CES5A: variants seen among roughly 807,000 people sequenced by gnomAD.
CES5A encodes carboxylesterase 5A.
Under a neutral mutation model 62.9 loss-of-function variants are expected in CES5A, and 67 were observed. That is an observed-to-expected ratio of 1.07 (90% CI 0.88 to 1.31). The LOEUF (loss-of-function observed/expected upper bound fraction) is 1.31, where lower values mean the gene tolerates loss of function less well. CES5A is among the 50% of genes most tolerant of loss of function. CES5A has a pLI of 0.00. For synonymous variants in CES5A, 296 were observed against 280.8 expected (o/e 1.05, Z -0.54); for missense variants, 748 against 708.5 (o/e 1.06, Z -0.63).
chr16:55,883,143 C>T (rs571708191), intron 1 of CES5A, among the ~76,000 whole-genome samples: 2 of 152,300 alleles, frequency 1.3e-5, no homozygotes, highest in South Asian at 4.1e-4. Flanking sequence ...AGAGTTACCG[C>T]TTGGTTGAGT....
chr16:55,856,895 T>A (rs1288548496), intron 8 of CES5A, among the ~76,000 whole-genome samples: 84 of 152,376 alleles, frequency 5.5e-4, no homozygotes, highest in African/African-American at 1.9e-3. Context: ...CACAAAGCGG[T>A]ATCAGCACCT....
chr16:55,855,556 A>C (rs1190747673), intron 9 of CES5A, among the ~76,000 whole-genome samples: 1 of 152,200 alleles, frequency 6.6e-6, no homozygotes, highest in African/African-American at 2.4e-5. Flanking sequence ...TTCAGACTGT[A>C]GGTAGATAAT....
At chr16:55,863,232 T>C (rs548890125) in intron 6 of CES5A, 116 bp downstream of exon 6, 11 of 702,648 alleles carry the variant, frequency 1.6e-5, no homozygotes, top group South Asian at 1.3e-4. Context: ...TGGGCCAGCA[T>C]GAGGTGCCTT....
At chr16:55,895,524 T>C (rs1327189719) in intron 1 of CES5A, among the ~76,000 whole-genome samples, 1 of 152,256 alleles carries the variant, frequency 6.6e-6, no homozygotes, top group Non-Finnish European at 1.5e-5. Context: ...GTTACTACTT[T>C]ATTTTCTCAG....
chr16:55,921,643 A>G (rs1266991846), intron 1 of CES5A, among the ~76,000 whole-genome samples: 1 of 150,986 alleles, frequency 6.6e-6, no homozygotes, highest in Non-Finnish European at 1.5e-5. Context: ...AAAGAAAAAA[A>G]AAAAAAAAAA....
intron 3 of CES5A, among the ~76,000 whole-genome samples, chr16:55,870,391 GAAGA>G (rs2033558734): frequency 2.0e-5 from 3 of 152,060 alleles, no homozygotes; most frequent in Admixed American, 2.0e-4. Flanking sequence ...GATGAAAAAT[GAAGA>G]AAGAAGGAAG....
rs554591051 is a variant in CES5A, at chr16:55,868,924, G to A, written c.551+687C>T. Among the ~76,000 whole-genome samples the A allele has an allele frequency of 1.5e-3, 225 of 152,354 alleles. 1 individual carries two copies. Among genetic ancestry groups the A allele is most frequent in the Middle Eastern group, 6.8e-3 (2 of 294 alleles). Reference sequence around the variant, plus strand: ...TTCCTTGAAGGATTATTTTGAGGGTGAGTTGAAATAATGCATGGCAAGTGC... The same window carrying A: ...TTCCTTGAAGGATTATTTTGAGGGTAAGTTGAAATAATGCATGGCAAGTGC... On this transcript the variant is annotated intron_variant, in intron 4 of 12. Transcript: ENST00000290567.
chr16:55,937,247 G>A (rs1367935315), intron 2 of CES5A, among the ~76,000 whole-genome samples: 1 of 152,142 alleles, frequency 6.6e-6, no homozygotes, highest in Non-Finnish European at 1.5e-5. Context: ...CTCCTGCTGA[G>A]ACATAGCATT....
chr16:55,919,334 G>A lies in CES5A; in HGVS notation c.-256+5989C>T, dbSNP rs12596847. 3.9e-3 allele frequency among the ~76,000 whole-genome samples: 599 copies of A among 152,354 alleles called. 24 individuals carry two copies. In the East Asian group the frequency reaches 0.081, roughly 21 times the overall value. On this transcript the variant is annotated intron_variant, in intron 1 of 12. Coordinates refer to the CES5A transcript ENST00000518005. ...ATAATTTGTCAGGTCAAAGGGCTAT[G>A]GAGAAGCTAGAGTCACTTGGGTGCC...
intron 6 of CES5A, 34 bp from the exon 7 acceptor site, chr16:55,861,550 A>G: frequency 4.8e-6 from 7 of 1,453,730 alleles, no homozygotes; most frequent in Non-Finnish European, 6.8e-6. Context: ...TTAGAGCATG[A>G]TATTGAAAGC....
intron 2 of CES5A, among the ~76,000 whole-genome samples, chr16:55,948,767 G>A (rs1457603765): frequency 6.6e-6 from 1 of 152,090 alleles, no homozygotes; most frequent in Non-Finnish European, 1.5e-5. Context: ...CATTCCAGGT[G>A]GTGAGAAAGG....
chr16:55,923,898 G>T (rs1283064281), intron 1 of CES5A, among the ~76,000 whole-genome samples: 2 of 151,820 alleles, frequency 1.3e-5, no homozygotes, highest in Non-Finnish European at 2.9e-5. Flanking sequence ...ATCAAACTGG[G>T]TATAGAAGGA....
chr16:55,861,295 C>A, intron 7 of CES5A, 117 bp downstream of exon 7: 2 of 649,840 alleles, frequency 3.1e-6, no homozygotes. Flanking sequence ...TTACCAAGTA[C>A]CTCAATCCTC....
rs755508617 is a variant in CES5A at position 55,883,745 on chromosome 16, C to T, written c.-255-9708G>A. Among the ~76,000 whole-genome samples, 14 of 152,188 alleles carry T rather than the reference C, an allele frequency of 9.2e-5. 1 individual carries two copies. Among genetic ancestry groups the T allele is most frequent in the Non-Finnish European group, 1.9e-4 (13 of 68,030 alleles). ...TTCCCCAATGTGATAGCTCTTACCT[C>T]ACAGACCATGGATTCCTTATTCATT... is the stretch of plus-strand genomic sequence containing the variant. On this transcript the variant is annotated intron_variant, in intron 1 of 12. Coordinates refer to the CES5A transcript ENST00000518005.
In CES5A at chr16:55,849,707, G is replaced by A. The variant is rs762821580; in HGVS notation, c.1340C>T (p.Pro447Leu). The A allele has an allele frequency of 9.3e-6, 15 of 1,613,854 alleles. No homozygotes were observed. The highest frequency in any genetic ancestry group is 2.2e-5 in the East Asian group (1 of 44,890). ...AGCGTGGTCGGCTTTGACAAAAGCT[G>A]GCTTCGTGTCTTCAAAGCACTGAGG... The part of the protein sequence containing the change: ...HRPQCFEDTK[P>L]AFVKADHADE... Residue 447 changes from proline to leucine, a missense_variant, in exon 11 of 13, where the codon CCA (proline) becomes CTA (leucine). Coordinates refer to ENST00000290567, the MANE Select transcript of CES5A (RefSeq NM_001143685.2).
intron 9 of CES5A, among the ~76,000 whole-genome samples, chr16:55,855,422 A>G (rs2033220116): frequency 6.6e-6 from 1 of 152,268 alleles, no homozygotes; most frequent in African/African-American, 2.4e-5. Flanking sequence ...TGAATTAGTG[A>G]TGGAACAATA....
upstream of CES5A, among the ~76,000 whole-genome samples, chr16:55,925,946 G>A (rs1338067638): frequency 1.3e-5 from 2 of 151,974 alleles, no homozygotes; most frequent in Non-Finnish European, 2.9e-5. Flanking sequence ...CTCTTCTGTG[G>A]GAGATAAAAA....
chr16:55,889,852 A>G (rs2033857405), intron 1 of CES5A, among the ~76,000 whole-genome samples: 1 of 152,092 alleles, frequency 6.6e-6, no homozygotes, highest in Non-Finnish European at 1.5e-5. Context: ...TACAAAAGAC[A>G]CTCTTATTGC....
chr16:55,947,447 A>G (rs1181684359), intron 2 of CES5A, among the ~76,000 whole-genome samples: 1 of 152,086 alleles, frequency 6.6e-6, no homozygotes, highest in Non-Finnish European at 1.5e-5. Context: ...TTTATTTAGC[A>G]CTCACTCTGT....
Sources: gnomAD v4.1 joint callset for allele counts (sites outside exome capture counted in the v4.1 genomes callset) on GRCh38, gnomAD v4.1.1 for gene constraint, MANE v1.5 for transcripts, NCBI Gene and HGNC (gene_info 2026-07-23, HGNC 2026-07-21) for gene names.